RSRC1: variants seen among roughly 807,000 people sequenced by gnomAD.
RSRC1 encodes the protein serine/Arginine-related protein 53.
RSRC1 carries 39 observed loss-of-function variants against 49.1 expected under a neutral mutation model. The ratio of observed to expected loss-of-function variants is 0.79; its 90% CI spans 0.61 to 1.04. RSRC1 has a LOEUF of 1.04. Among genes scored for constraint, RSRC1 ranks in the 50% least tolerant of loss-of-function variants. RSRC1 has a pLI of 0.00. For missense variants in RSRC1, 388 were observed against 402.4 expected (o/e 0.96, Z 0.31); for synonymous variants, 143 against 130.8 (o/e 1.09, Z -0.63).
chr3:158,258,999 A>G (rs1486998008), intron 4 of RSRC1, among the ~76,000 whole-genome samples: 1 of 152,152 alleles, frequency 6.6e-6, no homozygotes, highest in African/African-American at 2.4e-5. Flanking sequence ...TACAACAGCT[A>G]TTTTGAATTC....
intron 7 of RSRC1, among the ~76,000 whole-genome samples, chr3:158,530,776 C>G (rs1268565480): frequency 1.3e-5 from 2 of 151,646 alleles, no homozygotes; most frequent in African/African-American, 4.8e-5. Flanking sequence ...ACCCAGATAG[C>G]CCAAACCCAG....
chr3:158,371,180 A>G (rs1398467322), intron 6 of RSRC1, among the ~76,000 whole-genome samples: 1 of 151,882 alleles, frequency 6.6e-6, no homozygotes, highest in Non-Finnish European at 1.5e-5. Context: ...AATCAGTTAT[A>G]TACTTCATAA....
At chr3:158,151,987 A>G (rs976046915) in intron 3 of RSRC1, among the ~76,000 whole-genome samples, 3 of 152,212 alleles carry the variant, frequency 2.0e-5, no homozygotes, top group Non-Finnish European at 2.9e-5. Context: ...AGAGCCTTTG[A>G]TTATGGCTTG....
intron 7 of RSRC1, among the ~76,000 whole-genome samples, chr3:158,515,705 G>C (rs1426089181): frequency 2.8e-4 from 40 of 143,534 alleles, no homozygotes; most frequent in African/African-American, 1.0e-3. Flanking sequence ...TTCCAACTTG[G>C]TTCCATTCTC....
intron 4 of RSRC1, among the ~76,000 whole-genome samples, chr3:158,287,412 T>C (rs1254202031): frequency 6.6e-6 from 1 of 152,176 alleles, no homozygotes; most frequent in African/African-American, 2.4e-5. Context: ...ATATACTAGG[T>C]TTATTTCTGC....
chr3:158,216,182 T>A (rs1045709863), intron 4 of RSRC1, among the ~76,000 whole-genome samples: 2 of 151,548 alleles, frequency 1.3e-5, no homozygotes, highest in Non-Finnish European at 3.0e-5. Flanking sequence ...TATAAAGGCA[T>A]AATTTTATTT....
At chr3:158,497,215 T>TC (rs897536202) in intron 7 of RSRC1, among the ~76,000 whole-genome samples, 1 of 22,916 alleles carries the variant, frequency 4.4e-5, no homozygotes, top group South Asian at 1.6e-3. Flanking sequence ...CCCTTCCCCC[T>TC]CCCCCCTAGC....
chr3:158,396,204 A>C (rs1733601241), intron 6 of RSRC1, among the ~76,000 whole-genome samples: 1 of 152,062 alleles, frequency 6.6e-6, no homozygotes, highest in Non-Finnish European at 1.5e-5. Context: ...AGAGGTTGGG[A>C]GGAAGGGAGG....
At chr3:158,237,769 C>A (rs1355825027) in intron 4 of RSRC1, among the ~76,000 whole-genome samples, 1 of 152,118 alleles carries the variant, frequency 6.6e-6, no homozygotes, top group Non-Finnish European at 1.5e-5. Context: ...AATTTGACTT[C>A]CCCTTTTCCT....
chr3:158,125,598 C>T (rs1057233508), intron 3 of RSRC1, among the ~76,000 whole-genome samples: 7 of 152,080 alleles, frequency 4.6e-5, no homozygotes, highest in African/African-American at 9.7e-5. Context: ...GCTATGATTT[C>T]GGTCTTATTA....
chr3:158,491,084 C>T (rs889243308), intron 7 of RSRC1, among the ~76,000 whole-genome samples: 1 of 152,094 alleles, frequency 6.6e-6, no homozygotes, highest in African/African-American at 2.4e-5. Flanking sequence ...TTTTGCTGCC[C>T]TATTTTGATA....
chr3:158,290,012 T>C (rs1726828905), intron 4 of RSRC1, among the ~76,000 whole-genome samples: 2 of 152,044 alleles, frequency 1.3e-5, no homozygotes, highest in Non-Finnish European at 2.9e-5. Flanking sequence ...GTATTACAGT[T>C]GAAATGGATT....
chr3:158,213,194 T>G (rs913777621), intron 4 of RSRC1, among the ~76,000 whole-genome samples: 1 of 151,948 alleles, frequency 6.6e-6, no homozygotes, highest in Non-Finnish European at 1.5e-5. Flanking sequence ...TAAATATTCT[T>G]AATATCCTAG....
rs558732638 is a variant in RSRC1 at position 158,343,355 on chromosome 3, G to A, written c.532-11502G>A. 5.9e-5 allele frequency among the ~76,000 whole-genome samples: 9 copies of A among 152,046 alleles called. No individual in the cohort carries two copies. The South Asian group carries it at 1.9e-3, about 32-fold the overall frequency. On this transcript the variant is annotated intron_variant, in intron 5 of 9. Coordinates refer to ENST00000611884, the MANE Select transcript of RSRC1 (RefSeq NM_001271838.2). ...AACAAAATTCCAAGTCTACTTATAG[G>A]AATACAAAAATATCTGGCACTGACA...
chr3:158,422,572 G>A (rs548147738), intron 6 of RSRC1, among the ~76,000 whole-genome samples: 7 of 150,650 alleles, frequency 4.6e-5, no homozygotes, highest in Non-Finnish European at 5.9e-5. Flanking sequence ...ATGATTTATC[G>A]TCCTTTGGGT....
At chr3:158,185,576 T>C (rs2108258214) in intron 3 of RSRC1, among the ~76,000 whole-genome samples, 1 of 152,032 alleles carries the variant, frequency 6.6e-6, no homozygotes, top group Admixed American at 6.6e-5. Context: ...TACTCCTATA[T>C]TTAAAGTAAT....
intron 6 of RSRC1, among the ~76,000 whole-genome samples, chr3:158,435,362 T>C (rs1443490086): frequency 1.3e-5 from 2 of 151,764 alleles, no homozygotes; most frequent in East Asian, 3.9e-4. Flanking sequence ...TGTTTTATGT[T>C]GATGTAATAA....
At chr3:158,320,278 T>C (rs1203546563) in intron 5 of RSRC1, among the ~76,000 whole-genome samples, 1 of 152,230 alleles carries the variant, frequency 6.6e-6, no homozygotes. Context: ...TACACACTAG[T>C]GATCCATACA....
At chr3:158,386,493 G>A (rs181263634) in intron 6 of RSRC1, among the ~76,000 whole-genome samples, 438 of 152,062 alleles carry the variant, frequency 2.9e-3, no homozygotes, top group African/African-American at 0.01. Flanking sequence ...TTTAATAGAC[G>A]AATATAGCTA....
Sources: allele counts gnomAD v4.1 joint callset (sites outside exome capture counted in the v4.1 genomes callset), GRCh38; gene constraint gnomAD v4.1.1; transcripts MANE v1.5; gene names NCBI Gene and HGNC (gene_info 2026-07-23, HGNC 2026-07-21).